Variants in DST observed in about 807,000 individuals in gnomAD.
DST encodes the protein dystonin, also known as bullous pemphigoid antigen.
DST carries 253 observed loss-of-function variants against 875.2 expected under a neutral mutation model. The observed-to-expected ratio is 0.29, with a 90% CI of 0.26 to 0.32. The LOEUF is 0.32. Among genes scored for constraint, DST ranks in the 10% least tolerant of loss-of-function variants. DST has a pLI of 1.00. For missense variants in DST, 8,287 were observed against 9,111.6 expected (o/e 0.91, Z 3.68); for synonymous variants, 3,124 against 3,197.1 (o/e 0.98, Z 0.77).
chr6:56,516,672 T>C (rs931185203), intron 71 of DST, among the ~76,000 whole-genome samples: 1 of 152,170 alleles, frequency 6.6e-6, no homozygotes, highest in African/African-American at 2.4e-5. Context: ...ACATTTTTAT[T>C]TGTGGCTGGT....
At chr6:56,513,371 T>C (rs904934568) in intron 72 of DST, among the ~76,000 whole-genome samples, 2 of 152,116 alleles carry the variant, frequency 1.3e-5, no homozygotes, top group East Asian at 3.9e-4. Context: ...GCTGGGATTA[T>C]AGGTATGCAC....
At chr6:56,868,644 T>A (rs535364036) in intron 3 of DST, among the ~76,000 whole-genome samples, 1 of 152,238 alleles carries the variant, frequency 6.6e-6, no homozygotes, top group Non-Finnish European at 1.5e-5. Context: ...AAACCAATGA[T>A]AAAATAAATC....
At chr6:56,487,625 A>C (rs549829142) in intron 86 of DST, among the ~76,000 whole-genome samples, 56 of 152,262 alleles carry the variant, frequency 3.7e-4, no homozygotes, top group African/African-American at 1.3e-3. Context: ...GGGGATAAAA[A>C]CCCATCGTAA....
At chr6:56,563,126 G>A (rs999743842) in intron 55 of DST, among the ~76,000 whole-genome samples, 2 of 152,066 alleles carry the variant, frequency 1.3e-5, no homozygotes, top group Non-Finnish European at 2.9e-5. Context: ...TGGGTCAAAT[G>A]GTATTTCTGG....
intron 5 of DST, among the ~76,000 whole-genome samples, chr6:56,728,973 T>TACACACACAC (rs35066414): frequency 1.1e-4 from 14 of 132,004 alleles, no homozygotes; most frequent in African/African-American, 2.1e-4. Flanking sequence ...ATAAAAAAAG[T>TACACACACAC]ACACACACAC....
At chr6:56,660,613 CAA>C (rs34162063) in intron 10 of DST, among the ~76,000 whole-genome samples, 7 of 89,058 alleles carry the variant, frequency 7.9e-5, no homozygotes, top group Non-Finnish European at 1.2e-4. Context: ...TTGCAATCAC[CAA>C]AAAAAAAAAA....
intron 93 of DST, 141 bp downstream of exon 93, chr6:56,473,732 C>G: frequency 1.3e-6 from 1 of 757,986 alleles, no homozygotes; most frequent in South Asian, 1.8e-5. Flanking sequence ...CTTGAGCACA[C>G]GTATTCCTTC....
At chr6:56,644,419 G>A (rs1467348713) in intron 15 of DST, among the ~76,000 whole-genome samples, 4 of 152,074 alleles carry the variant, frequency 2.6e-5, no homozygotes, top group African/African-American at 4.8e-5. Flanking sequence ...GAATCCTGAA[G>A]TCAATGTGTA....
chr6:56,474,233 C>A, intron 92 of DST: 1 of 351,868 alleles, frequency 2.8e-6, no homozygotes, highest in South Asian at 2.9e-5. Context: ...CCTGTAATCC[C>A]AGCACTTTGG....
rs545958615 is a variant in DST, at chr6:56,584,744, T to C, written c.12904-5807A>G. Among the ~76,000 whole-genome samples, 324 of 152,168 alleles carry C rather than the reference T, an allele frequency of 2.1e-3. 3 individuals are homozygous for C. The highest frequency in any genetic ancestry group is 4.6e-3 in the Admixed American group (71 of 15,294). On this transcript the variant is annotated intron_variant, in intron 49 of 103. Transcript: ENST00000680361. ...TGGCTGTGGGTCTGTCATAGATAGC[T>C]CTTATTATTTTGAGATACGTCCCAT...
Position 56,607,452 on chromosome 6 carries a change from G to C in DST, c.7176C>G (p.Asn2392Lys). 1 of 1,603,032 alleles carries C rather than the reference G, an allele frequency of 6.2e-7. No individual in the cohort carries two copies. Among genetic ancestry groups the C allele is most frequent in the South Asian group, 1.1e-5 (1 of 90,082 alleles). Residue 2392 changes from asparagine (N) to lysine (K), a missense_variant, in exon 40 of 104, where the codon AAC becomes AAG. Asn to Lys is a moderately conservative substitution (Grantham distance 94). Transcript: ENST00000680361. ...GATTTTCTATTAAATCACTTGGAAA[G>C]TTTTGAATGTTTTTAGAATGACTAC... ...NECSHSKNIQ[N>K]FPSDLIENPI...
chr6:56,663,107 T>G (rs1356568807), intron 10 of DST, among the ~76,000 whole-genome samples: 1 of 152,200 alleles, frequency 6.6e-6, no homozygotes. Flanking sequence ...CTCCAAATAT[T>G]ACATGCCAAA....
intron 63 of DST, among the ~76,000 whole-genome samples, chr6:56,533,829 T>G (rs1433206228): frequency 6.6e-6 from 1 of 152,126 alleles, no homozygotes; most frequent in Non-Finnish European, 1.5e-5. Context: ...ATGCTGAAGT[T>G]TTCAAAAACT....
chr6:56,690,142 C>T (rs189230265), intron 9 of DST, among the ~76,000 whole-genome samples: 11 of 152,198 alleles, frequency 7.2e-5, no homozygotes, highest in African/African-American at 2.6e-4. Context: ...AGTGGGATGT[C>T]GTGCCATAAT....
At chr6:56,642,870 A>G in intron 15 of DST, 1 of 1,601,060 alleles carries the variant, frequency 6.2e-7, no homozygotes, top group Middle Eastern at 2.1e-4. Context: ...CTCTACTTCT[A>G]ACGGTGAAAA....
At chr6:56,681,287 C>T (rs1289496298) in intron 9 of DST, among the ~76,000 whole-genome samples, 2 of 152,148 alleles carry the variant, frequency 1.3e-5, no homozygotes, top group Non-Finnish European at 2.9e-5. Flanking sequence ...ATTGGTAACA[C>T]AGTCCTCTGC....
chr6:56,509,805 G>A lies in DST; in HGVS notation c.18849C>T (p.Pro6283=). The A allele has an allele frequency of 6.2e-7, 1 of 1,613,704 alleles. No individual in the cohort carries two copies. Among genetic ancestry groups the A allele is most frequent in the South Asian group, 1.1e-5 (1 of 91,068 alleles). The change falls in exon 74 of 104, where the codon CCC becomes CCT. Residue 6283 remains proline (P), a synonymous_variant. Transcript: ENST00000680361. ...TCTTCTCAACCTCTGCAGAGATAGA[G>A]GGTGGCTGCCTCAGACGTTCCACGA... ...ERIVERLRQP[P]SISAEVEKIK...
intron 82 of DST, among the ~76,000 whole-genome samples, chr6:56,494,814 A>G (rs929950190): frequency 6.6e-6 from 1 of 152,174 alleles, no homozygotes; most frequent in African/African-American, 2.4e-5. Flanking sequence ...AACAAATTCA[A>G]AGTTTAAGAC....
chr6:56,914,402 C>T (rs948733446), intron 2 of DST, among the ~76,000 whole-genome samples: 3 of 152,168 alleles, frequency 2.0e-5, no homozygotes, highest in African/African-American at 4.8e-5. Context: ...CTGGGAATTG[C>T]CCTCCAGCCT....
Sources: gnomAD v4.1 joint callset for allele counts (sites outside exome capture counted in the v4.1 genomes callset) on GRCh38, gnomAD v4.1.1 for gene constraint, MANE v1.5 for transcripts, NCBI Gene and HGNC (gene_info 2026-07-23, HGNC 2026-07-21) for gene names.